The following MAGI1 variants were observed in gnomAD, a reference collection of about 807,000 sequenced individuals.
MAGI1 encodes membrane-associated guanylate kinase, WW and PDZ domain-containing protein 1.
MAGI1 carries 58 observed loss-of-function variants against 139.9 expected under a neutral mutation model. The ratio of observed to expected loss-of-function variants is 0.41; its 90% CI spans 0.34 to 0.52. MAGI1 has a LOEUF of 0.52. MAGI1 is among the 20% of genes least tolerant of loss of function. The pLI is 0.12. For missense variants in MAGI1, 1,874 were observed against 1,901.6 expected (o/e 0.99, Z 0.27); for synonymous variants, 812 against 737.9 (o/e 1.10, Z -1.63).
intron 1 of MAGI1, among the ~76,000 whole-genome samples, chr3:65,731,062 G>A (rs888351120): frequency 6.6e-6 from 1 of 152,128 alleles, no homozygotes; most frequent in Admixed American, 6.5e-5. Context: ...TAACCACCGT[G>A]CAACAGGGCA....
At chr3:65,556,651 CATG>C (rs2080098190) in intron 2 of MAGI1, among the ~76,000 whole-genome samples, 2 of 152,284 alleles carry the variant, frequency 1.3e-5, no homozygotes, top group South Asian at 4.1e-4. Context: ...TCTCATCCAC[CATG>C]ATCTTTTGCC....
chr3:65,448,106 A>C, intron 6 of MAGI1, 49 bp from the exon 7 acceptor site: 1 of 1,548,368 alleles, frequency 6.5e-7, no homozygotes, highest in East Asian at 2.2e-5. Context: ...AGAAAGCAAA[A>C]TTCAGACACC....
chr3:65,545,316 A>G (rs1445709111), intron 2 of MAGI1, among the ~76,000 whole-genome samples: 1 of 152,192 alleles, frequency 6.6e-6, no homozygotes, highest in Non-Finnish European at 1.5e-5. Flanking sequence ...AGAGAGAGAG[A>G]GAGATGGCAT....
At chr3:65,580,323 T>TC (rs1291559247) in intron 2 of MAGI1, among the ~76,000 whole-genome samples, 1 of 151,904 alleles carries the variant, frequency 6.6e-6, no homozygotes, top group Admixed American at 6.6e-5. Context: ...TTCTCCTTTT[T>TC]TTTTTCTTGG....
intron 12 of MAGI1, among the ~76,000 whole-genome samples, 192 bp downstream of exon 12, chr3:65,429,328 A>G (rs1947307912): frequency 6.6e-6 from 1 of 152,116 alleles, no homozygotes; most frequent in Non-Finnish European, 1.5e-5. Context: ...TATCATTCTA[A>G]CTGCATATGT....
At chr3:65,719,318 T>C (rs1017877466) in intron 1 of MAGI1, among the ~76,000 whole-genome samples, 6 of 151,674 alleles carry the variant, frequency 4.0e-5, no homozygotes, top group African/African-American at 7.3e-5. Context: ...TACATATATA[T>C]ATATCTGGGC....
chr3:65,395,351 G>C (rs1417744167), intron 13 of MAGI1, among the ~76,000 whole-genome samples: 1 of 151,842 alleles, frequency 6.6e-6, no homozygotes, highest in African/African-American at 2.4e-5. Context: ...CCTACTAACA[G>C]AAAGAGAAGG....
At chr3:65,911,622 C>T (rs2061673435) in intron 1 of MAGI1, among the ~76,000 whole-genome samples, 1 of 152,064 alleles carries the variant, frequency 6.6e-6, no homozygotes, top group Non-Finnish European at 1.5e-5. Flanking sequence ...AACTCAACAC[C>T]CCTGATTATT....
chr3:65,655,500 T>C (rs373461413), intron 1 of MAGI1, among the ~76,000 whole-genome samples: 1 of 152,282 alleles, frequency 6.6e-6, no homozygotes. Context: ...ATGGAATGCA[T>C]ACAGATCTAT....
intron 1 of MAGI1, among the ~76,000 whole-genome samples, chr3:65,935,129 G>A (rs565098227): frequency 6.6e-6 from 1 of 152,302 alleles, no homozygotes; most frequent in East Asian, 1.9e-4. Flanking sequence ...CTTAGTAAAT[G>A]ACATTGAAGC....
chr3:65,991,321 AAAG>A (rs2066163795), intron 1 of MAGI1, among the ~76,000 whole-genome samples: 2 of 151,660 alleles, frequency 1.3e-5, no homozygotes, highest in African/African-American at 4.8e-5. Context: ...AAAAAAAAAA[AAAG>A]AAAGTTAATG....
intron 2 of MAGI1, among the ~76,000 whole-genome samples, chr3:65,532,012 T>C (rs1216340316): frequency 3.3e-5 from 5 of 152,072 alleles, no homozygotes; most frequent in African/African-American, 1.2e-4. Flanking sequence ...TGCCAACAAC[T>C]CTAGTATAAC....
intron 1 of MAGI1, among the ~76,000 whole-genome samples, chr3:65,891,827 T>C (rs996561712): frequency 2.2e-5 from 3 of 138,016 alleles, no homozygotes; most frequent in East Asian, 2.2e-4. Context: ...ACATGGCACA[T>C]GTATACATAC....
chr3:65,653,015 A>C (rs1386266341), intron 1 of MAGI1, among the ~76,000 whole-genome samples: 1 of 152,146 alleles, frequency 6.6e-6, no homozygotes, highest in Admixed American at 6.6e-5. Flanking sequence ...CTACCAGGAG[A>C]GCTTATCCAG....
At chr3:65,831,167 A>T (rs1559923756) in intron 1 of MAGI1, among the ~76,000 whole-genome samples, 1 of 152,174 alleles carries the variant, frequency 6.6e-6, no homozygotes, top group Non-Finnish European at 1.5e-5. Flanking sequence ...TCTAACTTCA[A>T]GCTAGAAACC....
chr3:65,926,731 A>G (rs1192116711), intron 1 of MAGI1, among the ~76,000 whole-genome samples: 7 of 152,182 alleles, frequency 4.6e-5, no homozygotes, highest in African/African-American at 1.7e-4. Flanking sequence ...GTGGTGGCTC[A>G]CACCTCTAAT....
At chr3:66,032,737 G>A (rs530038070) in intron 1 of MAGI1, among the ~76,000 whole-genome samples, 73 of 151,374 alleles carry the variant, frequency 4.8e-4, no homozygotes, top group African/African-American at 1.7e-3. Flanking sequence ...GCAACATGGC[G>A]AAACCCCACC....
intron 1 of MAGI1, among the ~76,000 whole-genome samples, chr3:65,839,224 T>C (rs1040236882): frequency 2.0e-5 from 3 of 152,292 alleles, no homozygotes; most frequent in African/African-American, 7.2e-5. Context: ...ATCATAAGAT[T>C]CTAGCTATTC....
chr3:65,594,888 C>T (rs1201159087), intron 2 of MAGI1, among the ~76,000 whole-genome samples: 1 of 152,056 alleles, frequency 6.6e-6, no homozygotes, highest in Non-Finnish European at 1.5e-5. Context: ...TCAGTGTCTC[C>T]CAAATTCTAT....
Sources: gnomAD v4.1 joint callset for allele counts (sites outside exome capture counted in the v4.1 genomes callset) on GRCh38, gnomAD v4.1.1 for gene constraint, MANE v1.5 for transcripts, NCBI Gene and HGNC (gene_info 2026-07-23, HGNC 2026-07-21) for gene names.